Variants in SLC24A2 observed in about 807,000 individuals in gnomAD.
SLC24A2 encodes sodium/potassium/calcium exchanger 2.
A neutral mutation model predicts 62.0 loss-of-function variants in SLC24A2; 36 were observed. The observed-to-expected ratio is 0.58, with a 90% CI of 0.44 to 0.77. The LOEUF is 0.77. Among genes scored for constraint, SLC24A2 ranks in the 30% least tolerant of loss-of-function variants. The probability of loss-of-function intolerance (pLI) is 0.00; values close to 1 mark genes in which losing one functional copy is unlikely to be tolerated. For synonymous variants in SLC24A2, 358 were observed against 294.0 expected, an observed-to-expected ratio of 1.22 and a Z score of -2.23; for missense variants, 846 against 817.9, an observed-to-expected ratio of 1.03 and a Z score of -0.42.
At chr9:19,869,750 T>C in the SLC24A2 span, among the ~76,000 whole-genome samples, 2 of 152,298 alleles carry the variant, frequency 1.3e-5, no homozygotes, top group East Asian at 1.9e-4. Context: ...CCAACAACAG[T>C]GTAATTATTA....
rs997893354 is a variant in SLC24A2 at position 19,513,293 on chromosome 9, G to A, written c.*2860C>T. ...GGAAAGTTCTTATAATTATGCCAAT[G>A]ATTTGAATGGTTTAAAGACCCATTG... On this transcript the variant is annotated 3_prime_UTR_variant, in exon 11 of 11. Coordinates refer to ENST00000341998, the MANE Select transcript of SLC24A2 (RefSeq NM_020344.4). 1.3e-5 allele frequency: 2 copies of A among 151,546 alleles called. No individual in the cohort carries two copies. Among genetic ancestry groups the A allele is most frequent in the African/African-American group, 4.9e-5 (2 of 41,180 alleles). The allele number at this position is 151,546 out of a possible 1,614,324, so 9.4% of individuals were successfully genotyped here.
intron 10 of SLC24A2, among the ~76,000 whole-genome samples, chr9:19,520,253 T>C (rs946417188): frequency 1.3e-5 from 2 of 152,228 alleles, no homozygotes; most frequent in Non-Finnish European, 2.9e-5. Context: ...TTTGTCAGAC[T>C]ATTTTTACTT....
At chr9:19,886,849 A>G in the SLC24A2 span, among the ~76,000 whole-genome samples, 1 of 152,216 alleles carries the variant, frequency 6.6e-6, no homozygotes, top group African/African-American at 2.4e-5. Context: ...TGGTACATAT[A>G]CACCATGGAA....
the SLC24A2 span, among the ~76,000 whole-genome samples, chr9:20,006,787 G>A: frequency 6.6e-6 from 1 of 152,092 alleles, no homozygotes; most frequent in African/African-American, 2.4e-5. Context: ...AATCGTGTAT[G>A]CCTTGGTACT....
At chr9:19,566,250 A>G (rs564811787) in intron 7 of SLC24A2, among the ~76,000 whole-genome samples, 111 of 150,544 alleles carry the variant, frequency 7.4e-4, no homozygotes, top group African/African-American at 2.5e-3. Flanking sequence ...ATCTACAATG[A>G]ACTCAAACAA....
At chr9:20,143,035 A>C in the SLC24A2 span, among the ~76,000 whole-genome samples, 7 of 152,308 alleles carry the variant, frequency 4.6e-5, no homozygotes, top group East Asian at 1.2e-3. Flanking sequence ...CCAATTATAA[A>C]CTGAGGCTCA....
At position 19,562,334 on chromosome 9, in the gene SLC24A2, G is replaced by C. The variant is rs1586964673; in HGVS notation, c.1347+11017C>G. Among the ~76,000 whole-genome samples, 4 of 152,160 alleles carry C rather than the reference G, an allele frequency of 2.6e-5. No individual in the cohort carries two copies. The South Asian group carries it at 8.3e-4, about 32-fold the overall frequency. ...AGTATTTCTTTCCAGAGTGGTAATG[G>C]AGTTTTTTTCCTTTTTATTAATAGC... On this transcript the variant is annotated intron_variant, in intron 7 of 10. Transcript: ENST00000341998.
chr9:19,684,858 G>C (rs931619829), intron 2 of SLC24A2, among the ~76,000 whole-genome samples: 1 of 151,930 alleles, frequency 6.6e-6, no homozygotes, highest in African/African-American at 2.4e-5. Flanking sequence ...AGAGCAAGCA[G>C]GCAAGAGAAA....
At chr9:19,800,790 T>C in the SLC24A2 span, among the ~76,000 whole-genome samples, 1 of 152,218 alleles carries the variant, frequency 6.6e-6, no homozygotes, top group African/African-American at 2.4e-5. Context: ...TATGCACATA[T>C]CTCAGTGTGG....
At chr9:19,700,114 CAA>C (rs1587175455) in intron 2 of SLC24A2, among the ~76,000 whole-genome samples, 1 of 152,170 alleles carries the variant, frequency 6.6e-6, no homozygotes, top group African/African-American at 2.4e-5. Context: ...TATATAAATG[CAA>C]GCTATGTCTC....
At chr9:20,238,706 C>T in the SLC24A2 span, among the ~76,000 whole-genome samples, 2 of 152,146 alleles carry the variant, frequency 1.3e-5, no homozygotes, top group East Asian at 1.9e-4. Flanking sequence ...CATGTCTTAG[C>T]TTTGTGTACA....
intron 7 of SLC24A2, among the ~76,000 whole-genome samples, chr9:19,551,767 G>A (rs1232047969): frequency 6.6e-6 from 1 of 152,166 alleles, no homozygotes; most frequent in African/African-American, 2.4e-5. Flanking sequence ...TGGGTGAGAG[G>A]CCGGGCTCAC....
chr9:19,784,809 A>G (rs2118941400), intron 2 of SLC24A2, among the ~76,000 whole-genome samples: 1 of 150,846 alleles, frequency 6.6e-6, no homozygotes, highest in East Asian at 1.9e-4. Context: ...TACAAGTAGA[A>G]ATATTGCTAG....
At chr9:19,748,591 C>A (rs1821898184) in intron 2 of SLC24A2, among the ~76,000 whole-genome samples, 1 of 152,084 alleles carries the variant, frequency 6.6e-6, no homozygotes, top group African/African-American at 2.4e-5. Context: ...TGTGGTTTAA[C>A]CTGATAATAA....
chr9:20,229,965 T>C, the SLC24A2 span, among the ~76,000 whole-genome samples: 2 of 148,484 alleles, frequency 1.3e-5, no homozygotes, highest in South Asian at 2.3e-4. Context: ...TTCGCACCTA[T>C]GAGTGAGAAC....
the SLC24A2 span, among the ~76,000 whole-genome samples, chr9:20,138,051 G>T: frequency 6.6e-6 from 1 of 152,124 alleles, no homozygotes; most frequent in Non-Finnish European, 1.5e-5. Flanking sequence ...TATACATGTG[G>T]TCATTGCCCA....
At chr9:19,699,263 T>C (rs1048040433) in intron 2 of SLC24A2, among the ~76,000 whole-genome samples, 3 of 152,146 alleles carry the variant, frequency 2.0e-5, no homozygotes, top group African/African-American at 7.2e-5. Context: ...ACATATTCAG[T>C]GTGGCTGTAA....
chr9:20,105,473 A>G, the SLC24A2 span, among the ~76,000 whole-genome samples: 1 of 151,884 alleles, frequency 6.6e-6, no homozygotes, highest in Non-Finnish European at 1.5e-5. Context: ...GCAAATGTAA[A>G]AGAACAGAAA....
chr9:20,120,881 A>G, the SLC24A2 span, among the ~76,000 whole-genome samples: 1 of 151,916 alleles, frequency 6.6e-6, no homozygotes, highest in African/African-American at 2.4e-5. Context: ...GAAAAATAAT[A>G]TCTTCTTTCA....
Sources: allele counts gnomAD v4.1 joint callset (sites outside exome capture counted in the v4.1 genomes callset), GRCh38; gene constraint gnomAD v4.1.1; transcripts MANE v1.5; gene names NCBI Gene and HGNC (gene_info 2026-07-23, HGNC 2026-07-21).